The following EYA2 variants were observed in gnomAD, a reference collection of about 807,000 sequenced individuals.
EYA2 encodes the protein EYA transcriptional coactivator and phosphatase 2.
A neutral mutation model predicts 69.2 loss-of-function variants in EYA2; 31 were observed. That is an observed-to-expected ratio of 0.45 (90% confidence interval 0.34 to 0.60). The LOEUF is 0.60. Among genes scored for constraint, EYA2 ranks in the 20% least tolerant of loss-of-function variants. The pLI is 0.02. For missense variants in EYA2, 622 were observed against 701.2 expected (o/e 0.89, Z 1.28); for synonymous variants, 257 against 279.4 (o/e 0.92, Z 0.80).
chr20:47,089,345 C>T lies in EYA2; in HGVS notation c.768C>T (p.Ser256=), dbSNP rs1028233030. The change falls in exon 8 of 16, where the codon AGC becomes AGT. Residue 256 remains serine (S), a synonymous_variant. Coordinates refer to ENST00000327619, the MANE Select transcript of EYA2 (RefSeq NM_005244.5). ...DGKLRGRSKR[S]SDPSPAGDNE... ...AGCTCCGAGGCCGGTCTAAGAGGAG[C>T]AGTGACCCGTCCCCGGCAGGGGACA... 1.2e-6 allele frequency: 2 copies of T among 1,614,062 alleles called. No homozygotes were observed. Among genetic ancestry groups the T allele is most frequent in the African/African-American group, 1.3e-5 (1 of 74,932 alleles).
At chr20:46,927,889 C>T (rs556583479) in intron 1 of EYA2, among the ~76,000 whole-genome samples, 10 of 152,250 alleles carry the variant, frequency 6.6e-5, no homozygotes, top group African/African-American at 2.2e-4. Context: ...GTATGAGGAT[C>T]GGGTGAGGTA....
intron 9 of EYA2, among the ~76,000 whole-genome samples, chr20:47,131,805 A>G (rs1312841247): frequency 1.3e-5 from 2 of 152,240 alleles, no homozygotes; most frequent in African/African-American, 4.8e-5. Flanking sequence ...ATAAGTGTAC[A>G]TTGTTTAAAG....
intron 7 of EYA2, among the ~76,000 whole-genome samples, chr20:47,083,735 A>G (rs1304552494): frequency 6.6e-6 from 1 of 152,234 alleles, no homozygotes; most frequent in East Asian, 1.9e-4. Context: ...GATTTAGGCA[A>G]AGATTTCTCA....
At chr20:47,163,967 C>T (rs1417015737) in intron 10 of EYA2, among the ~76,000 whole-genome samples, 1 of 152,136 alleles carries the variant, frequency 6.6e-6, no homozygotes, top group African/African-American at 2.4e-5. Flanking sequence ...GTCAAGGCCA[C>T]GGGAACCCTT....
At chr20:46,949,244 A>T (rs144393800) in intron 1 of EYA2, among the ~76,000 whole-genome samples, 1 of 152,344 alleles carries the variant, frequency 6.6e-6, no homozygotes, top group East Asian at 1.9e-4. Context: ...AAGACACTAT[A>T]TTGTGCTTCA....
chr20:46,957,552 C>CAA (rs1361928008), intron 1 of EYA2, among the ~76,000 whole-genome samples: 2 of 149,998 alleles, frequency 1.3e-5, no homozygotes, highest in Admixed American at 6.6e-5. Context: ...CACACACACA[C>CAA]ACACACACAC....
At chr20:47,078,337 A>G (rs1034388197) in intron 7 of EYA2, among the ~76,000 whole-genome samples, 23 of 115,132 alleles carry the variant, frequency 2.0e-4, no homozygotes, top group African/African-American at 5.1e-4. Flanking sequence ...GCGCGCACAC[A>G]CACACACACA....
intron 1 of EYA2, among the ~76,000 whole-genome samples, chr20:46,903,404 G>A (rs1235904713): frequency 6.6e-6 from 1 of 152,180 alleles, no homozygotes; most frequent in East Asian, 1.9e-4. Context: ...CAGTGCCCCA[G>A]GCTTACTCGG....
At chr20:47,023,346 TTCTC>T (rs1259565252) in intron 5 of EYA2, among the ~76,000 whole-genome samples, 2 of 150,482 alleles carry the variant, frequency 1.3e-5, no homozygotes, top group African/African-American at 4.9e-5. Context: ...TTCTAAGGGT[TTCTC>T]TATCACTGTT....
chr20:47,044,380 A>G (rs762002070), intron 5 of EYA2, among the ~76,000 whole-genome samples: 2 of 152,234 alleles, frequency 1.3e-5, no homozygotes, highest in South Asian at 2.1e-4. Flanking sequence ...CTAGAGATGC[A>G]TCTGTGGACA....
chr20:46,912,947 G>A (rs981939719), intron 1 of EYA2, among the ~76,000 whole-genome samples: 7 of 151,692 alleles, frequency 4.6e-5, no homozygotes, highest in South Asian at 2.1e-4. Context: ...TGATCCACCC[G>A]CCTCGGCCTC....
chr20:47,021,492 T>G (rs1983742053), intron 5 of EYA2, among the ~76,000 whole-genome samples: 1 of 151,918 alleles, frequency 6.6e-6, no homozygotes, highest in Non-Finnish European at 1.5e-5. Flanking sequence ...CCGGGTGTGG[T>G]GGCACACACC....
intron 5 of EYA2, among the ~76,000 whole-genome samples, chr20:47,019,422 C>T (rs1162948205): frequency 2.0e-5 from 3 of 152,062 alleles, no homozygotes; most frequent in African/African-American, 7.2e-5. Context: ...GTATTTTTTT[C>T]AAACACAAAC....
intron 1 of EYA2, among the ~76,000 whole-genome samples, chr20:46,931,471 T>G (rs1329728724): frequency 6.6e-6 from 1 of 152,198 alleles, no homozygotes; most frequent in Admixed American, 6.5e-5. Flanking sequence ...GCATGTTACT[T>G]AACCTCTTTG....
intron 1 of EYA2, among the ~76,000 whole-genome samples, chr20:46,902,227 T>A (rs1984149048): frequency 6.6e-6 from 1 of 152,210 alleles, no homozygotes; most frequent in Non-Finnish European, 1.5e-5. Flanking sequence ...TTGCTGTCAT[T>A]CCTTTGTGCT....
chr20:47,078,121 T>A (rs1048897983), intron 7 of EYA2, among the ~76,000 whole-genome samples: 1 of 152,214 alleles, frequency 6.6e-6, no homozygotes, highest in Non-Finnish European at 1.5e-5. Flanking sequence ...TTCTGTCTTG[T>A]TTCCCTCTGT....
In EYA2 at chr20:47,171,611, C is replaced by T. The variant is rs1432204868; in HGVS notation, c.1038-1096C>T. 2.0e-5 allele frequency among the ~76,000 whole-genome samples: 3 copies of T among 152,118 alleles called. No homozygotes were observed. The East Asian group carries it at 5.8e-4, about 29-fold the overall frequency. ...AGATTGAGCAATTGGCCCAAACTCACATGGCTGGTCAGCAGGGAAGGCAGG... is the reference window on the plus strand; with the variant it reads ...AGATTGAGCAATTGGCCCAAACTCATATGGCTGGTCAGCAGGGAAGGCAGG... On this transcript the variant is annotated intron_variant, in intron 11 of 15. Coordinates refer to ENST00000327619, the MANE Select transcript of EYA2 (RefSeq NM_005244.5).
intron 1 of EYA2, among the ~76,000 whole-genome samples, chr20:46,934,467 T>A (rs139960053): frequency 1.9e-4 from 29 of 152,276 alleles, no homozygotes; most frequent in African/African-American, 7.0e-4. Flanking sequence ...ATTCAAGGAT[T>A]GACTCAAACT....
intron 5 of EYA2, among the ~76,000 whole-genome samples, chr20:47,033,178 G>T (rs935405872): frequency 1.3e-5 from 2 of 152,100 alleles, no homozygotes; most frequent in Non-Finnish European, 2.9e-5. Context: ...GAGTATTTTT[G>T]ATCGCTTAGG....
Sources: allele counts gnomAD v4.1 joint callset (sites outside exome capture counted in the v4.1 genomes callset), GRCh38; gene constraint gnomAD v4.1.1; transcripts MANE v1.5; gene names NCBI Gene and HGNC (gene_info 2026-07-23, HGNC 2026-07-21).